COL21A1: variants seen among roughly 807,000 people sequenced by gnomAD.
COL21A1 encodes collagen type XXI alpha 1 chain.
Under a neutral mutation model 137.9 loss-of-function variants are expected in COL21A1, and 149 were observed. The observed-to-expected ratio is 1.08, with a 90% CI of 0.95 to 1.24. The LOEUF (loss-of-function observed/expected upper bound fraction) is 1.24. Ranked by LOEUF, COL21A1 falls within the 50% of genes most tolerant of loss-of-function variation. The probability of loss-of-function intolerance (pLI) is 0.00; values close to 1 mark genes in which losing one functional copy is unlikely to be tolerated. For synonymous variants in COL21A1, 456 were observed against 391.5 expected, an observed-to-expected ratio of 1.16 and a Z score of -1.95; for missense variants, 1,167 against 1,158.4, an observed-to-expected ratio of 1.01 and a Z score of -0.11.
At chr6:56,165,348 G>T (rs1400599776) in intron 7 of COL21A1, among the ~76,000 whole-genome samples, 2 of 152,154 alleles carry the variant, frequency 1.3e-5, no homozygotes, top group East Asian at 1.9e-4. Context: ...TGGATTGAAG[G>T]TGCAAAAGGC....
chr6:56,143,326 T>C (rs933884159), intron 10 of COL21A1, among the ~76,000 whole-genome samples: 1 of 150,826 alleles, frequency 6.6e-6, no homozygotes, highest in Non-Finnish European at 1.5e-5. Context: ...TCAGCCTCCC[T>C]TGTAGTTGGG....
chr6:56,393,108 G>C (rs1220829685), intron 1 of COL21A1, among the ~76,000 whole-genome samples: 1 of 148,450 alleles, frequency 6.7e-6, no homozygotes, highest in Non-Finnish European at 1.5e-5. Context: ...TTATACCACA[G>C]AGCTATAGTA....
At chr6:56,110,621 A>C (rs1343074850) in intron 16 of COL21A1, among the ~76,000 whole-genome samples, 2 of 152,048 alleles carry the variant, frequency 1.3e-5, no homozygotes, top group African/African-American at 4.8e-5. Flanking sequence ...GCAGGAACTA[A>C]TAAGTGAATT....
chr6:56,320,431 C>T (rs1181878799), intron 1 of COL21A1, among the ~76,000 whole-genome samples: 4 of 151,946 alleles, frequency 2.6e-5, no homozygotes, highest in Admixed American at 1.3e-4. Flanking sequence ...AGGCCACTTC[C>T]AAACTCAAAG....
intron 12 of COL21A1, among the ~76,000 whole-genome samples, chr6:56,128,349 C>G (rs928212298): frequency 3.3e-5 from 5 of 152,076 alleles, no homozygotes; most frequent in African/African-American, 1.2e-4. Context: ...CAGTTTCTTC[C>G]AAGACTTTCT....
chr6:56,116,176 G>A (rs1222241867), intron 16 of COL21A1, among the ~76,000 whole-genome samples: 1 of 151,848 alleles, frequency 6.6e-6, no homozygotes, highest in Non-Finnish European at 1.5e-5. Context: ...GAAGGCTATA[G>A]AACACCAAGC....
chr6:56,123,093 A>G (rs561313401), intron 16 of COL21A1, among the ~76,000 whole-genome samples: 1 of 152,350 alleles, frequency 6.6e-6, no homozygotes, highest in South Asian at 2.1e-4. Flanking sequence ...GTGTTCTCTC[A>G]CATAGTCTAG....
At chr6:56,314,259 A>C (rs968451688) in intron 1 of COL21A1, among the ~76,000 whole-genome samples, 2 of 152,192 alleles carry the variant, frequency 1.3e-5, no homozygotes, top group African/African-American at 4.8e-5. Flanking sequence ...CTGGGATTAC[A>C]GGCGTGAGCC....
chr6:56,104,767 T>TA (rs1431900734), intron 16 of COL21A1, among the ~76,000 whole-genome samples: 3 of 152,002 alleles, frequency 2.0e-5, no homozygotes, highest in Non-Finnish European at 2.9e-5. Context: ...GACAGTTCTT[T>TA]AAAAAAAAGG....
rs756806090 is a variant in COL21A1 at position 56,166,976 on chromosome 6, A to G, written c.1208T>C (p.Val403Ala). ...SGKEETVQFD[V>A]QKLRIYCDPE... ...GTCACAGTAGATTCGCAACTTTTGG[A>G]CATCAAACTAAGAACATAAACCCAG... is the stretch of plus-strand genomic sequence containing the variant. Residue 403 changes from valine to alanine, a missense_variant, in exon 7 of 30, where the codon GTC becomes GCC. Val to Ala is a moderately conservative substitution (Grantham distance 64, BLOSUM62 0). Coordinates refer to ENST00000244728, the MANE Select transcript of COL21A1 (RefSeq NM_030820.4). 15 of 1,610,284 alleles carry G rather than the reference A, an allele frequency of 9.3e-6. No individual in the cohort carries two copies. The South Asian group carries it at 1.2e-4, about 13-fold the overall frequency.
intron 24 of COL21A1, among the ~76,000 whole-genome samples, chr6:56,062,668 G>T (rs1370846347): frequency 4.6e-5 from 7 of 151,980 alleles, no homozygotes; most frequent in Non-Finnish European, 2.9e-5. Flanking sequence ...ATTAGACAAA[G>T]AAAAGAATTA....
At chr6:56,143,017 CCT>C (rs1774538569) in intron 10 of COL21A1, among the ~76,000 whole-genome samples, 1 of 151,966 alleles carries the variant, frequency 6.6e-6, no homozygotes, top group Non-Finnish European at 1.5e-5. Flanking sequence ...ATCACAATTC[CCT>C]GTTTTTCTGT....
At chr6:56,169,343 T>A (rs898786963) in intron 5 of COL21A1, among the ~76,000 whole-genome samples, 3 of 151,980 alleles carry the variant, frequency 2.0e-5, no homozygotes, top group Non-Finnish European at 4.4e-5. Flanking sequence ...GGACCTGGCC[T>A]AATTTAAGGA....
At chr6:56,300,485 G>A (rs1278248633) in intron 1 of COL21A1, among the ~76,000 whole-genome samples, 2 of 151,998 alleles carry the variant, frequency 1.3e-5, no homozygotes, top group African/African-American at 2.4e-5. Context: ...AAAAAACTGG[G>A]TAAATTGCTC....
chr6:56,220,013 T>C (rs1001439393), intron 1 of COL21A1, among the ~76,000 whole-genome samples: 8 of 152,128 alleles, frequency 5.3e-5, no homozygotes, highest in Non-Finnish European at 8.8e-5. Context: ...GAGGGTGGGC[T>C]CAAGGTGTTT....
At chr6:56,144,881 C>A (rs1774714685) in intron 10 of COL21A1, among the ~76,000 whole-genome samples, 1 of 152,222 alleles carries the variant, frequency 6.6e-6, no homozygotes, top group Admixed American at 6.5e-5. Context: ...TTGGCTAAGT[C>A]ACTTTGCCTA....
At chr6:56,173,200 C>A (rs1777197567) in intron 3 of COL21A1, among the ~76,000 whole-genome samples, 2 of 151,730 alleles carry the variant, frequency 1.3e-5, no homozygotes, top group South Asian at 4.2e-4. Context: ...AAAACAAAAA[C>A]AAAAGCAAAC....
At chr6:56,118,326 A>T (rs780144423) in intron 16 of COL21A1, among the ~76,000 whole-genome samples, 1 of 152,034 alleles carries the variant, frequency 6.6e-6, no homozygotes, top group Admixed American at 6.6e-5. Context: ...AAATTGGAAA[A>T]TATACATGAA....
intron 1 of COL21A1, among the ~76,000 whole-genome samples, chr6:56,291,119 G>A (rs1238087413): frequency 1.3e-5 from 2 of 152,176 alleles, no homozygotes; most frequent in Admixed American, 6.5e-5. Flanking sequence ...GCAGTTATCT[G>A]AACAGTGAGA....
Sources: allele counts gnomAD v4.1 joint callset (sites outside exome capture counted in the v4.1 genomes callset), GRCh38; gene constraint gnomAD v4.1.1; transcripts MANE v1.5; gene names NCBI Gene and HGNC (gene_info 2026-07-23, HGNC 2026-07-21).